The following TNKS variants were observed in gnomAD, a reference collection of about 807,000 sequenced individuals.
The protein encoded by TNKS is tankyrase, also known as poly [ADP-ribose] polymerase tankyrase-1.
In TNKS, 72 loss-of-function variants were observed where a neutral mutation model predicts 135.8. The ratio of observed to expected loss-of-function variants is 0.53; its 90% confidence interval spans 0.44 to 0.64. The LOEUF is 0.64. Among genes scored for constraint, TNKS ranks in the 30% least tolerant of loss-of-function variants. TNKS has a pLI of 0.00. For missense variants in TNKS, 1,769 were observed against 1,674.0 expected (o/e 1.06, Z -0.99); for synonymous variants, 849 against 649.3 (o/e 1.31, Z -4.68).
intron 11 of TNKS, 65 bp downstream of exon 11, chr8:9,710,285 C>T: frequency 1.4e-6 from 2 of 1,450,708 alleles, no homozygotes; most frequent in Non-Finnish European, 1.9e-6. Flanking sequence ...CTTAACACTG[C>T]TTCTCTCTCT....
chr8:9,638,281 C>G (rs575937497), intron 3 of TNKS, among the ~76,000 whole-genome samples: 51 of 152,328 alleles, frequency 3.3e-4, no homozygotes, highest in African/African-American at 1.2e-3. Flanking sequence ...AGCCTAAATT[C>G]TTATATTTCC....
At chr8:9,572,392 CT>C (rs1045798842) in intron 1 of TNKS, among the ~76,000 whole-genome samples, 1 of 152,168 alleles carries the variant, frequency 6.6e-6, no homozygotes, top group Non-Finnish European at 1.5e-5. Flanking sequence ...CTGTTTGGCA[CT>C]CCATGAATAT....
rs1323972909 is a variant in TNKS, at chr8:9,777,110, T to C, written c.*374T>C. 5.0e-6 allele frequency: 1 copy of C among 199,626 alleles called. No homozygotes were observed. The highest frequency in any genetic ancestry group is 5.3e-5 in the Admixed American group (1 of 19,012). The allele number at this position is 199,626 out of a possible 1,614,324, so 12.4% of individuals were successfully genotyped here. On this transcript the variant is annotated 3_prime_UTR_variant, in exon 27 of 27. Coordinates refer to ENST00000310430, the MANE Select transcript of TNKS (RefSeq NM_003747.3). Reference sequence around the variant, plus strand: ...TTTGTTTTGTTATGCATGACGTGTCTATAACAAATATACACATACGACAGG... The same window carrying C: ...TTTGTTTTGTTATGCATGACGTGTCCATAACAAATATACACATACGACAGG...
intron 12 of TNKS, among the ~76,000 whole-genome samples, chr8:9,723,623 A>T (rs940870532): frequency 1.3e-5 from 2 of 152,250 alleles, no homozygotes; most frequent in Non-Finnish European, 2.9e-5. Flanking sequence ...TTCTTTCTCT[A>T]GACTTGCTCT....
intron 1 of TNKS, among the ~76,000 whole-genome samples, chr8:9,561,912 G>A (rs1797345752): frequency 6.6e-6 from 1 of 152,110 alleles, no homozygotes. Flanking sequence ...TGCCTCCTCG[G>A]TTCAAGCGAT....
intron 25 of TNKS, among the ~76,000 whole-genome samples, chr8:9,766,835 C>T (rs751701591): frequency 1.2e-4 from 18 of 152,168 alleles, no homozygotes; most frequent in Non-Finnish European, 2.5e-4. Context: ...CTCAGTCTTG[C>T]ATCCCGGTAA....
Position 9,748,140 on chromosome 8 carries a change from C to G in TNKS, c.2760C>G (p.Ala920=). The G allele has an allele frequency of 1.2e-6, 2 of 1,614,070 alleles. No individual in the cohort carries two copies. The highest frequency in any genetic ancestry group is 1.7e-6 in the Non-Finnish European group (2 of 1,179,988). Residue 920 remains alanine (A), a synonymous_variant, in exon 18 of 27, where the codon GCC becomes GCG. Coordinates refer to ENST00000310430, the MANE Select transcript of TNKS (RefSeq NM_003747.3). The part of the protein sequence containing the change: ...AAQKGRTQLC[A]LLLAHGADPT... ...AGAAAGGAAGGACGCAGCTGTGCGC[C>G]CTCCTCCTAGCGCATGGTGCAGACC...
chr8:9,607,622 A>G (rs1799280632), intron 2 of TNKS, among the ~76,000 whole-genome samples: 1 of 152,190 alleles, frequency 6.6e-6, no homozygotes. Flanking sequence ...CATTTGTCGT[A>G]TCAAAAATAC....
chr8:9,611,168 G>A (rs977221139), intron 2 of TNKS, among the ~76,000 whole-genome samples: 5 of 152,236 alleles, frequency 3.3e-5, no homozygotes, highest in South Asian at 4.1e-4. Flanking sequence ...GTCTTACCTC[G>A]AAAGGAGATG....
chr8:9,718,218 G>T (rs1158045287), intron 11 of TNKS, among the ~76,000 whole-genome samples: 1 of 152,030 alleles, frequency 6.6e-6, no homozygotes, highest in African/African-American at 2.4e-5. Flanking sequence ...GAAAAAAAAT[G>T]CAGTGTCACT....
At chr8:9,772,497 A>G (rs1807971000) in intron 26 of TNKS, 4 of 446,862 alleles carry the variant, frequency 9.0e-6, no homozygotes, top group Non-Finnish European at 1.8e-5. Flanking sequence ...AAATGTTAAT[A>G]TTATAAAAGA....
At position 9,731,033 on chromosome 8, in the gene TNKS, G is replaced by C; in HGVS notation, c.2145G>C (p.Lys715Asn). ...GTGCCGATGTCCATGCCAAAGACAA[G>C]GGGTACGTGTTAGAAGTTAGCTGTT... ...HHGADVHAKD[K>N]GGLVPLHNAC... is the part of the protein sequence containing the mutation. Residue 715 changes from lysine to asparagine, a missense_variant and splice_region_variant, in exon 14 of 27, where the codon AAG becomes AAC. This residue lies in a region of TNKS where 69 missense variants were observed against 120.3 expected (regional missense o/e 0.57). Coordinates refer to ENST00000310430, the MANE Select transcript of TNKS (RefSeq NM_003747.3). 1 of 1,605,542 alleles carries C rather than the reference G, an allele frequency of 6.2e-7. No individual in the cohort carries two copies. Among genetic ancestry groups the C allele is most frequent in the East Asian group, 2.2e-5 (1 of 44,624 alleles).
At chr8:9,761,392 A>T (rs200940378) in intron 20 of TNKS, 124 bp from the exon 21 acceptor site, 2 of 1,009,140 alleles carry the variant, frequency 2.0e-6, no homozygotes, top group East Asian at 5.4e-5. Context: ...GCTCATGTTT[A>T]TAAAGGGAAC....
At chr8:9,582,670 C>T (rs80155315) in intron 2 of TNKS, among the ~76,000 whole-genome samples, 5 of 152,272 alleles carry the variant, frequency 3.3e-5, no homozygotes, top group Admixed American at 6.5e-5. Flanking sequence ...GAATACTGTT[C>T]TTCACAGTGT....
intron 3 of TNKS, among the ~76,000 whole-genome samples, chr8:9,663,990 C>G (rs1319102824): frequency 6.6e-6 from 1 of 152,184 alleles, no homozygotes; most frequent in Non-Finnish European, 1.5e-5. Flanking sequence ...GAAAGTTCCA[C>G]CCATCCAGTC....
At chr8:9,698,158 C>T (rs763543117) in intron 5 of TNKS, among the ~76,000 whole-genome samples, 2 of 152,044 alleles carry the variant, frequency 1.3e-5, no homozygotes, top group Non-Finnish European at 2.9e-5. Context: ...GAACAGAAAA[C>T]TACATATCAC....
chr8:9,686,405 G>A (rs934545892), intron 5 of TNKS, among the ~76,000 whole-genome samples: 4 of 152,160 alleles, frequency 2.6e-5, no homozygotes, highest in East Asian at 1.9e-4. Context: ...TCCTAGCACC[G>A]TAGCTCATAC....
chr8:9,619,606 A>G (rs1301760171), intron 3 of TNKS, among the ~76,000 whole-genome samples: 1 of 152,102 alleles, frequency 6.6e-6, no homozygotes, highest in Non-Finnish European at 1.5e-5. Flanking sequence ...TCAAGAATAA[A>G]TTAGCTTTAA....
chr8:9,616,981 G>C (rs1274970728), intron 3 of TNKS, among the ~76,000 whole-genome samples: 2 of 152,028 alleles, frequency 1.3e-5, no homozygotes, highest in East Asian at 3.9e-4. Flanking sequence ...ATAGTAACAG[G>C]GGTAGGTTAT....
Sources: gnomAD v4.1 joint callset for allele counts (sites outside exome capture counted in the v4.1 genomes callset) on GRCh38, gnomAD v4.1.1 for gene constraint, gnomAD v4.1.1 regional missense constraint, MANE v1.5 for transcripts, NCBI Gene and HGNC (gene_info 2026-07-23, HGNC 2026-07-21) for gene names.